Variants in RALYL observed in about 807,000 individuals in gnomAD.
The protein encoded by RALYL is RALY RNA binding protein like, also known as RNA-binding Raly-like protein.
Under a neutral mutation model 35.1 loss-of-function variants are expected in RALYL, and 29 were observed. That is an observed-to-expected ratio of 0.83 (90% CI 0.61 to 1.13). The LOEUF is 1.13. Among genes scored for constraint, RALYL ranks in the 50% most tolerant of loss-of-function variants. The pLI, the probability that RALYL is intolerant of heterozygous loss-of-function variation, is 0.00. For synonymous variants in RALYL, 120 were observed against 127.6 expected, an observed-to-expected ratio of 0.94 and a Z score of 0.40; for missense variants, 359 against 360.4, an observed-to-expected ratio of 1.00 and a Z score of 0.03.
chr8:84,915,243 A>C (rs1848277966), intron 8 of RALYL, among the ~76,000 whole-genome samples: 2 of 152,012 alleles, frequency 1.3e-5, no homozygotes, highest in Non-Finnish European at 2.9e-5. Flanking sequence ...GAGACTGCAT[A>C]GTCTATCTGG....
intron 4 of RALYL, among the ~76,000 whole-genome samples, chr8:84,820,385 A>G (rs944081863): frequency 2.0e-5 from 3 of 152,150 alleles, no homozygotes; most frequent in Admixed American, 1.3e-4. Context: ...ATAAGCTCTC[A>G]CTCATGGGAA....
intron 2 of RALYL, chr8:84,679,787 T>C: frequency 2.0e-6 from 1 of 504,324 alleles, no homozygotes; most frequent in Non-Finnish European, 4.0e-6. Flanking sequence ...CCAGGGAAAT[T>C]GGATAGAAAG....
intron 2 of RALYL, among the ~76,000 whole-genome samples, chr8:84,598,656 A>G (rs1815183943): frequency 6.6e-6 from 1 of 152,178 alleles, no homozygotes; most frequent in African/African-American, 2.4e-5. Context: ...AACTAACAAT[A>G]GTCTTTTAGG....
intron 2 of RALYL, among the ~76,000 whole-genome samples, chr8:84,674,523 A>G (rs767563305): frequency 7.2e-5 from 11 of 151,968 alleles, no homozygotes; most frequent in Non-Finnish European, 1.3e-4. Context: ...CTATCTTTCA[A>G]CATTACTCTA....
At chr8:84,534,085 C>G (rs1444804376) in intron 2 of RALYL, among the ~76,000 whole-genome samples, 1 of 152,208 alleles carries the variant, frequency 6.6e-6, no homozygotes, top group African/African-American at 2.4e-5. Flanking sequence ...CTGTGGGCTA[C>G]AAGTTTCTAC....
At chr8:84,492,550 G>A (rs1023452440) in intron 1 of RALYL, among the ~76,000 whole-genome samples, 15 of 151,950 alleles carry the variant, frequency 9.9e-5, no homozygotes, top group African/African-American at 3.6e-4. Flanking sequence ...TTATATGTGT[G>A]TAGTGCACTC....
At chr8:84,840,525 C>A (rs988297504) in intron 4 of RALYL, among the ~76,000 whole-genome samples, 4 of 152,172 alleles carry the variant, frequency 2.6e-5, no homozygotes, top group Non-Finnish European at 5.9e-5. Context: ...AGAATGGAAC[C>A]AAGTTGGAAA....
chr8:84,581,376 A>G (rs922019172), intron 2 of RALYL, among the ~76,000 whole-genome samples: 3 of 152,134 alleles, frequency 2.0e-5, no homozygotes, highest in Non-Finnish European at 4.4e-5. Flanking sequence ...TCCTGACTAT[A>G]TCTATTGTAA....
intron 1 of RALYL, among the ~76,000 whole-genome samples, chr8:84,455,000 T>C (rs376097295): frequency 6.6e-6 from 1 of 152,106 alleles, no homozygotes; most frequent in Admixed American, 6.6e-5. Flanking sequence ...AAGCAAGTTA[T>C]TTTATATGGA....
intron 1 of RALYL, among the ~76,000 whole-genome samples, chr8:84,503,206 G>A (rs1196630087): frequency 6.6e-6 from 1 of 151,966 alleles, no homozygotes; most frequent in Non-Finnish European, 1.5e-5. Flanking sequence ...AGAGTGCAGT[G>A]GTAGGATCAT....
At chr8:84,531,061 CT>C (rs138338930) in intron 2 of RALYL, among the ~76,000 whole-genome samples, 4,462 of 152,232 alleles carry the variant, frequency 0.029, 109 homozygotes, top group Middle Eastern at 0.078. Context: ...CCTTCTTTCA[CT>C]GTCTATTCTA....
chr8:84,502,413 T>C (rs973229896), intron 1 of RALYL, among the ~76,000 whole-genome samples: 1 of 152,082 alleles, frequency 6.6e-6, no homozygotes, highest in Admixed American at 6.6e-5. Flanking sequence ...AAGTTCTTTT[T>C]ATTCTGAGAA....
chr8:84,371,021 A>G (rs1230414193), intron 1 of RALYL, among the ~76,000 whole-genome samples: 1 of 151,996 alleles, frequency 6.6e-6, no homozygotes, highest in Non-Finnish European at 1.5e-5. Flanking sequence ...AGAACTGAGC[A>G]AACACAGCCT....
Position 84,680,412 on chromosome 8 carries a change from G to T in RALYL, c.257-94167G>T, listed in dbSNP as rs554641080. On this transcript the variant is annotated intron_variant, in intron 2 of 8. Coordinates refer to ENST00000521268, the MANE Select transcript of RALYL (RefSeq NM_173848.7). ...ATGGTATTTCTAGTACTAGATCCCT[G>T]AGGAATCGCCACACTGACTTCCACA... Among the ~76,000 whole-genome samples, 60 of 152,184 alleles carry T rather than the reference G, an allele frequency of 3.9e-4. 1 individual carries two copies. In the East Asian group the frequency reaches 0.011, roughly 27 times the overall value.
chr8:84,357,397 T>C (rs1046327965), intron 1 of RALYL, among the ~76,000 whole-genome samples: 1 of 152,056 alleles, frequency 6.6e-6, no homozygotes, highest in Admixed American at 6.6e-5. Flanking sequence ...CATTACAAAG[T>C]TAAATTAAAG....
chr8:84,212,738 A>C lies in RALYL; in HGVS notation c.-24+28314A>C, dbSNP rs73295620. Among the ~76,000 whole-genome samples the C allele has an allele frequency of 8.3e-4, 127 of 152,286 alleles. 1 individual carries two copies. The highest frequency in any genetic ancestry group is 2.7e-3 in the African/African-American group (113 of 41,560). Reference sequence around the variant, plus strand: ...TGATAATTTCAATATTTCCCTAAAAATATGCTCTATGAGTTTATGAATATA... The same window carrying C: ...TGATAATTTCAATATTTCCCTAAAACTATGCTCTATGAGTTTATGAATATA... On this transcript the variant is annotated intron_variant, in intron 1 of 8. Coordinates refer to ENST00000521268, the MANE Select transcript of RALYL (RefSeq NM_173848.7).
chr8:84,778,328 C>T (rs1391470000), intron 3 of RALYL, among the ~76,000 whole-genome samples: 1 of 152,118 alleles, frequency 6.6e-6, no homozygotes, highest in Non-Finnish European at 1.5e-5. Flanking sequence ...TGATTTGTTT[C>T]TTCTTTTAAT....
chr8:84,887,947 T>C (rs1295609825), intron 8 of RALYL, among the ~76,000 whole-genome samples, 171 bp downstream of exon 8: 1 of 152,240 alleles, frequency 6.6e-6, no homozygotes, highest in East Asian at 1.9e-4. Context: ...CTCAATACTT[T>C]ATTGCTAACT....
chr8:84,561,425 C>T (rs10101428), intron 2 of RALYL, among the ~76,000 whole-genome samples: 1 of 151,682 alleles, frequency 6.6e-6, no homozygotes, highest in African/African-American at 2.4e-5. Context: ...GGTAGTCCCC[C>T]CTATCTGTGG....
Sources: allele counts gnomAD v4.1 joint callset (sites outside exome capture counted in the v4.1 genomes callset), GRCh38; gene constraint gnomAD v4.1.1; transcripts MANE v1.5; gene names NCBI Gene and HGNC (gene_info 2026-07-23, HGNC 2026-07-21).